PPM1D: variants seen among roughly 807,000 people sequenced by gnomAD.
PPM1D encodes protein phosphatase, Mg2+/Mn2+ dependent 1D.
PPM1D carries 52 observed loss-of-function variants against 58.3 expected under a neutral mutation model. The ratio of observed to expected loss-of-function variants is 0.89; its 90% confidence interval spans 0.71 to 1.12. The LOEUF is 1.12. PPM1D is among the 50% of genes most tolerant of loss of function. The pLI is 0.00. For synonymous variants in PPM1D, 278 were observed against 285.1 expected (o/e 0.98, Z 0.25); for missense variants, 564 against 777.2 (o/e 0.73, Z 3.26).
intron 2 of PPM1D, among the ~76,000 whole-genome samples, chr17:60,625,225 C>T (rs2030783862): frequency 6.6e-6 from 1 of 151,936 alleles, no homozygotes; most frequent in African/African-American, 2.4e-5. Flanking sequence ...AAAGTTTGAA[C>T]AACAAAAAAA....
intron 3 of PPM1D, among the ~76,000 whole-genome samples, chr17:60,638,406 T>C (rs1423122178): frequency 2.0e-5 from 3 of 152,288 alleles, no homozygotes; most frequent in African/African-American, 7.2e-5. Context: ...TCTCACTCTG[T>C]TGCCCAGGCT....
At chr17:60,624,149 C>T (rs1283789956) in intron 2 of PPM1D, among the ~76,000 whole-genome samples, 1 of 152,112 alleles carries the variant, frequency 6.6e-6, no homozygotes, top group African/African-American at 2.4e-5. Flanking sequence ...AGATTTACTG[C>T]AAACCTTTCC....
At chr17:60,632,580 C>G (rs1395335921) in intron 2 of PPM1D, among the ~76,000 whole-genome samples, 5 of 151,888 alleles carry the variant, frequency 3.3e-5, no homozygotes, top group Non-Finnish European at 7.4e-5. Context: ...AAAAAACAGG[C>G]TGGGCGCTGT....
chr17:60,621,494 A>G (rs1395374158), intron 1 of PPM1D, among the ~76,000 whole-genome samples: 2 of 151,944 alleles, frequency 1.3e-5, no homozygotes, highest in African/African-American at 2.4e-5. Flanking sequence ...TCCTGGGTTC[A>G]AGTGATTCTC....
chr17:60,634,186 G>A (rs767012832), intron 3 of PPM1D, among the ~76,000 whole-genome samples: 45 of 152,070 alleles, frequency 3.0e-4, no homozygotes, highest in African/African-American at 8.2e-4. Context: ...TGAGGTGGGC[G>A]GATCTCTTGA....
At chr17:60,603,763 CA>C (rs58124861) in intron 1 of PPM1D, among the ~76,000 whole-genome samples, 147,706 of 148,380 alleles carry the variant, frequency 1, 73,517 homozygotes, top group South Asian at 1. Flanking sequence ...GACTCCGTCT[CA>C]AAAAAAAAAA....
chr17:60,657,273 G>A (rs970517104), intron 5 of PPM1D, among the ~76,000 whole-genome samples: 4 of 152,096 alleles, frequency 2.6e-5, no homozygotes, highest in Admixed American at 1.3e-4. Context: ...GATAGCAGAC[G>A]TTACAACTGG....
At chr17:60,643,724 C>G (rs2143693991) in intron 3 of PPM1D, among the ~76,000 whole-genome samples, 1 of 152,174 alleles carries the variant, frequency 6.6e-6, no homozygotes, top group South Asian at 2.1e-4. Context: ...ACTGTCTCTC[C>G]TCATGTGATA....
intron 2 of PPM1D, among the ~76,000 whole-genome samples, chr17:60,624,997 C>T (rs948097571): frequency 3.3e-5 from 5 of 151,770 alleles, no homozygotes. Flanking sequence ...AAGAAATTAG[C>T]CGGGCGTGGC....
chr17:60,656,692 A>G lies in PPM1D; in HGVS notation c.1111A>G (p.Ile371Val), dbSNP rs750809450. The change falls in exon 5 of 6, where the codon ATA (isoleucine) becomes GTA (valine). Residue 371 changes from isoleucine to valine, a missense_variant. Around this residue, in one of 7 missense-constraint regions of PPM1D, gnomAD observed 18 missense variants for 43.9 expected, o/e 0.41. Coordinates refer to ENST00000305921, the MANE Select transcript of PPM1D (RefSeq NM_003620.4). ...GCTCCGAGCAGATAACACTAGTGCC[A>G]TAGTAATCTGCATCTCTCCAGAAGT... ...RMLRADNTSA[I>V]VICISPEVDN... 10 of 1,614,096 alleles carry G rather than the reference A, an allele frequency of 6.2e-6. No homozygotes were observed. Among genetic ancestry groups the G allele is most frequent in the African/African-American group, 1.3e-5 (1 of 74,934 alleles).
intron 2 of PPM1D, among the ~76,000 whole-genome samples, chr17:60,626,227 G>A (rs2030804389): frequency 6.6e-6 from 1 of 151,996 alleles, no homozygotes; most frequent in African/African-American, 2.4e-5. Context: ...GGCCAAAGAG[G>A]TGTATGTTTT....
chr17:60,660,742 CAG>C (rs2031512163), intron 5 of PPM1D, among the ~76,000 whole-genome samples: 1 of 152,086 alleles, frequency 6.6e-6, no homozygotes, highest in Admixed American at 6.5e-5. Flanking sequence ...GCCTGGGTGA[CAG>C]AGCAAGACTC....
intron 1 of PPM1D, among the ~76,000 whole-genome samples, chr17:60,614,323 G>C (rs2030534966): frequency 6.6e-6 from 1 of 152,128 alleles, no homozygotes; most frequent in Non-Finnish European, 1.5e-5. Context: ...ATACCAGTCA[G>C]CACTCTGTGT....
intron 5 of PPM1D, among the ~76,000 whole-genome samples, chr17:60,662,164 T>C (rs1375519303): frequency 6.6e-6 from 1 of 151,980 alleles, no homozygotes; most frequent in Admixed American, 6.6e-5. Flanking sequence ...GCCTGGCTAA[T>C]TTTTGTATTT....
chr17:60,651,180 A>G lies in PPM1D; in HGVS notation c.1017+3098A>G, dbSNP rs576965303. Among the ~76,000 whole-genome samples, 5 of 152,224 alleles carry G rather than the reference A, an allele frequency of 3.3e-5. No individual in the cohort carries two copies. The South Asian group carries it at 1.0e-3, about 32-fold the overall frequency. ...ATATAATTGTTTTCATAGAGCATTG[A>G]TGGGAAGGGAAACAGGCACACTGAA... On this transcript the variant is annotated intron_variant, in intron 4 of 5. Transcript: ENST00000305921.
In PPM1D at chr17:60,633,964, A is replaced by T; in HGVS notation, c.813A>T (p.Val271=). 6.2e-7 allele frequency: 1 copy of T among 1,613,510 alleles called. No individual in the cohort carries two copies. Among genetic ancestry groups the T allele is most frequent in the South Asian group, 1.1e-5 (1 of 90,962 alleles). Residue 271 remains valine (V), a synonymous_variant, in exon 3 of 6, where the codon GTA becomes GTT. Transcript: ENST00000305921. Reference sequence around the variant, plus strand: ...TTGACCAGATTCCTTTTCTGGCAGTAGCAAGAGCACTTGGTAAGTAGGACT... The same window carrying T: ...TTGACCAGATTCCTTTTCTGGCAGTTGCAAGAGCACTTGGTAAGTAGGACT... The part of the protein sequence containing the change: ...TVIDQIPFLA[V]ARALGDLWSY...
At chr17:60,640,152 C>A (rs1567973010) in intron 3 of PPM1D, among the ~76,000 whole-genome samples, 1 of 152,090 alleles carries the variant, frequency 6.6e-6, no homozygotes, top group African/African-American at 2.4e-5. Context: ...AATCTCCCCT[C>A]TACAAAGAAT....
At chr17:60,639,404 G>A (rs1056028520) in intron 3 of PPM1D, among the ~76,000 whole-genome samples, 4 of 151,564 alleles carry the variant, frequency 2.6e-5, no homozygotes, top group Admixed American at 6.6e-5. Context: ...GAGCCACAGC[G>A]CCTGGCTAAA....
chr17:60,617,567 AT>A (rs1275674343), intron 1 of PPM1D, among the ~76,000 whole-genome samples: 1 of 151,490 alleles, frequency 6.6e-6, no homozygotes, highest in African/African-American at 2.4e-5. Context: ...AAAAAAAAAA[AT>A]AGAAGAAAGG....
Sources: allele counts gnomAD v4.1 joint callset (sites outside exome capture counted in the v4.1 genomes callset), GRCh38; gene constraint gnomAD v4.1.1; regional missense constraint gnomAD v4.1.1; transcripts MANE v1.5; gene names NCBI Gene and HGNC (gene_info 2026-07-23, HGNC 2026-07-21).